Variants in THRB observed in about 807,000 individuals in gnomAD.
THRB encodes thyroid hormone receptor beta.
THRB carries 12 observed loss-of-function variants against 47.8 expected under a neutral mutation model. The ratio of observed to expected loss-of-function variants is 0.25; its 90% confidence interval spans 0.16 to 0.41. The LOEUF is 0.41. Ranked by LOEUF, THRB falls within the 10% of genes least tolerant of loss-of-function variation. The probability of loss-of-function intolerance (pLI) is 1.00; values close to 1 mark genes in which losing one functional copy is unlikely to be tolerated. For missense variants in THRB, 348 were observed against 589.2 expected (o/e 0.59, Z 4.24); for synonymous variants, 218 against 212.2 (o/e 1.03, Z -0.24).
At chr3:24,178,863 G>A (rs888499428) in intron 5 of THRB, among the ~76,000 whole-genome samples, 15 of 152,068 alleles carry the variant, frequency 9.9e-5, no homozygotes, top group African/African-American at 3.6e-4. Context: ...AAATGATAAG[G>A]ATATAGGTGA....
At chr3:24,142,631 T>C (rs1209774749) in intron 8 of THRB, among the ~76,000 whole-genome samples, 1 of 152,202 alleles carries the variant, frequency 6.6e-6, no homozygotes, top group African/African-American at 2.4e-5. Context: ...GGGTTTTATA[T>C]CATAAACTAA....
At chr3:24,143,400 T>TTA in intron 8 of THRB, 101 bp downstream of exon 8, 1 of 1,159,626 alleles carries the variant, frequency 8.6e-7, no homozygotes, top group Non-Finnish European at 1.3e-6. Flanking sequence ...ATCAGTAAAA[T>TTA]GAGGCAATAA....
chr3:24,481,229 G>GTTTTGTTTTT, intron 1 of THRB, among the ~76,000 whole-genome samples: 1 of 55,368 alleles, frequency 1.8e-5, no homozygotes, highest in African/African-American at 7.6e-5. Context: ...GTTTCTTTCT[G>GTTTTGTTTTT]TTTTTTTTTT....
At chr3:24,422,844 C>T (rs368118541) in intron 1 of THRB, among the ~76,000 whole-genome samples, 16 of 152,002 alleles carry the variant, frequency 1.1e-4, no homozygotes, top group Middle Eastern at 3.4e-3. Flanking sequence ...GCCACCCCCT[C>T]TTGAAAAGAG....
intron 4 of THRB, among the ~76,000 whole-genome samples, chr3:24,223,386 G>A (rs2047352329): frequency 6.6e-6 from 1 of 152,170 alleles, no homozygotes; most frequent in Admixed American, 6.5e-5. Flanking sequence ...CTGTCCCTCA[G>A]TACTCATCAG....
At chr3:24,226,721 G>A (rs539492541) in intron 4 of THRB, among the ~76,000 whole-genome samples, 2 of 152,292 alleles carry the variant, frequency 1.3e-5, no homozygotes, top group East Asian at 3.9e-4. Flanking sequence ...TTTGTAGCTA[G>A]AAGAGAACTG....
chr3:24,327,260 CCCCCCACCG>C (rs201409437), intron 2 of THRB, among the ~76,000 whole-genome samples: 2,112 of 151,914 alleles, frequency 0.014, 17 homozygotes, highest in African/African-American at 0.019. Context: ...CTCAGGGACC[CCCCCCACCG>C]CCACCCTCAT....
chr3:24,307,530 ATAACATTAAATATT>A (rs2057441407), intron 2 of THRB, among the ~76,000 whole-genome samples: 1 of 152,198 alleles, frequency 6.6e-6, no homozygotes, highest in Non-Finnish European at 1.5e-5. Context: ...CCATGTAGAT[ATAACATTAAATATT>A]TAACATTCTC....
intron 3 of THRB, among the ~76,000 whole-genome samples, chr3:24,235,480 G>C (rs1559690334): frequency 1.3e-5 from 2 of 151,920 alleles, no homozygotes; most frequent in East Asian, 3.9e-4. Context: ...CTTCTCCTTG[G>C]CTCTCTCAGG....
At chr3:24,351,703 G>A (rs1283676253) in intron 1 of THRB, among the ~76,000 whole-genome samples, 1 of 152,098 alleles carries the variant, frequency 6.6e-6, no homozygotes, top group African/African-American at 2.4e-5. Context: ...GCAGAGACAG[G>A]AGAGAAAAGG....
At chr3:24,406,910 G>T (rs1396563700) in intron 1 of THRB, among the ~76,000 whole-genome samples, 1 of 151,832 alleles carries the variant, frequency 6.6e-6, no homozygotes, top group East Asian at 1.9e-4. Flanking sequence ...ATATGTAAAA[G>T]AATAAGGTTC....
rs151042317 is a variant in THRB at position 24,369,445 on chromosome 3, C to T, written c.-260-32074G>A. Among the ~76,000 whole-genome samples the T allele has an allele frequency of 3.2e-3, 483 of 152,222 alleles. 3 individuals are homozygous for T. Among genetic ancestry groups the T allele is most frequent in the African/African-American group, 0.011 (465 of 41,548 alleles). ...TGACTGTAAAGCATGTATTATTGCA[C>T]ACATTGCCTTCACAACAAGGAATTC... On this transcript the variant is annotated intron_variant, in intron 1 of 10. Transcript: ENST00000646209.
rs1026732059 is a variant in THRB, at chr3:24,120,494, A to G, written c.*2390T>C. 1 of 152,248 alleles carries G rather than the reference A, an allele frequency of 6.6e-6. No individual in the cohort carries two copies. Among genetic ancestry groups the G allele is most frequent in the Non-Finnish European group, 1.5e-5 (1 of 68,044 alleles). The allele number at this position is 152,248 out of a possible 1,614,324, so 9.4% of individuals were successfully genotyped here. A position where few individuals can be genotyped will look rare whatever the true frequency, so the allele number is the denominator to read the frequency against. ...TGTCTGATGTACTGAGGACCCTGTC[A>G]AACAAAATGAGGAAACTTTCCCCAG... is the stretch of plus-strand genomic sequence containing the variant. On this transcript the variant is annotated 3_prime_UTR_variant, in exon 11 of 11. Transcript: ENST00000646209.
intron 2 of THRB, among the ~76,000 whole-genome samples, chr3:24,334,697 G>A (rs563961950): frequency 3.3e-5 from 5 of 152,144 alleles, no homozygotes; most frequent in Admixed American, 6.5e-5. Flanking sequence ...TGATTGCATC[G>A]AAATTCTGGA....
chr3:24,287,913 T>C (rs2055494867), intron 3 of THRB, among the ~76,000 whole-genome samples: 1 of 152,204 alleles, frequency 6.6e-6, no homozygotes, highest in East Asian at 1.9e-4. Flanking sequence ...CAACATTTAC[T>C]CATATAAATA....
chr3:24,238,688 T>C (rs2049166905), intron 3 of THRB, among the ~76,000 whole-genome samples: 1 of 152,316 alleles, frequency 6.6e-6, no homozygotes, highest in Non-Finnish European at 1.5e-5. Flanking sequence ...AGTGCTCTGC[T>C]GCCTCTGGAA....
At chr3:24,336,722 C>CCTTTTT (rs1167185445) in intron 2 of THRB, among the ~76,000 whole-genome samples, 14 of 135,960 alleles carry the variant, frequency 1.0e-4, no homozygotes, top group South Asian at 2.4e-4. Context: ...AATTCTCATG[C>CCTTTTT]TTTTTTTTTT....
intron 2 of THRB, among the ~76,000 whole-genome samples, chr3:24,310,036 G>A (rs2057640599): frequency 6.6e-6 from 1 of 152,160 alleles, no homozygotes; most frequent in Non-Finnish European, 1.5e-5. Context: ...GGGCAGGCGA[G>A]TGGGCTTGCT....
In THRB at chr3:24,259,472, G is replaced by A. The variant is rs139155626; in HGVS notation, c.-42-30471C>T. Reference sequence around the variant, plus strand: ...CAGTGTATGTGTATGCTGCTTTGACGAGAGAGGAACACACCGCCTTAAGAC... The same window carrying A: ...CAGTGTATGTGTATGCTGCTTTGACAAGAGAGGAACACACCGCCTTAAGAC... On this transcript the variant is annotated intron_variant, in intron 3 of 10. Transcript: ENST00000646209. 3.6e-3 allele frequency among the ~76,000 whole-genome samples: 554 copies of A among 152,286 alleles called. 2 individuals are homozygous for A. Among genetic ancestry groups the A allele is most frequent in the African/African-American group, 0.013 (522 of 41,560 alleles).
Sources: gnomAD v4.1 joint callset for allele counts (sites outside exome capture counted in the v4.1 genomes callset) on GRCh38, gnomAD v4.1.1 for gene constraint, MANE v1.5 for transcripts, NCBI Gene and HGNC (gene_info 2026-07-23, HGNC 2026-07-21) for gene names.